ADAMTSL1: variants seen among roughly 807,000 people sequenced by gnomAD.
The protein encoded by ADAMTSL1 is ADAMTS-like protein 1.
Under a neutral mutation model 201.8 loss-of-function variants are expected in ADAMTSL1, and 126 were observed. The ratio of observed to expected loss-of-function variants is 0.62; its 90% confidence interval spans 0.54 to 0.72. The LOEUF is 0.72. Ranked by LOEUF, ADAMTSL1 falls within the 30% of genes least tolerant of loss-of-function variation. The pLI is 0.00. For synonymous variants in ADAMTSL1, 1,121 were observed against 903.4 expected, an observed-to-expected ratio of 1.24 and a Z score of -4.32; for missense variants, 2,679 against 2,277.8, an observed-to-expected ratio of 1.18 and a Z score of -3.59.
intron 5 of ADAMTSL1, among the ~76,000 whole-genome samples, chr9:18,629,895 A>G (rs1826637359): frequency 6.6e-6 from 1 of 152,142 alleles, no homozygotes; most frequent in Admixed American, 6.6e-5. Context: ...ATGTAACCTT[A>G]TGAACTTATG....
At chr9:18,637,121 G>T (rs1388276621) in intron 6 of ADAMTSL1, among the ~76,000 whole-genome samples, 16 of 152,230 alleles carry the variant, frequency 1.1e-4, no homozygotes. Context: ...TGAAGTAAAA[G>T]AATAAGTAAG....
intron 23 of ADAMTSL1, among the ~76,000 whole-genome samples, chr9:18,869,035 T>C (rs1454098348): frequency 6.6e-6 from 1 of 152,136 alleles, no homozygotes. Flanking sequence ...GGTGTCCTTA[T>C]GGAAAGGTGA....
At chr9:18,059,570 A>G (rs1390814296) in intron 1 of ADAMTSL1, among the ~76,000 whole-genome samples, 3 of 152,194 alleles carry the variant, frequency 2.0e-5, no homozygotes, top group African/African-American at 7.2e-5. Flanking sequence ...TTTCTCACAG[A>G]CAATGATAAA....
At chr9:18,723,205 T>C in intron 15 of ADAMTSL1, 1 of 680,756 alleles carries the variant, frequency 1.5e-6, no homozygotes, top group Non-Finnish European at 2.7e-6. Flanking sequence ...CTTGCTCACA[T>C]GTCCCATGAT....
intron 1 of ADAMTSL1, among the ~76,000 whole-genome samples, chr9:18,476,274 A>T (rs1821446656): frequency 6.6e-6 from 1 of 152,156 alleles, no homozygotes; most frequent in East Asian, 1.9e-4. Flanking sequence ...AATCATACAG[A>T]TAAGACATTT....
chr9:17,973,968 T>A (rs1196159443), intron 1 of ADAMTSL1, among the ~76,000 whole-genome samples: 1 of 151,658 alleles, frequency 6.6e-6, no homozygotes, highest in Non-Finnish European at 1.5e-5. Flanking sequence ...TCTCTGTTTG[T>A]CTGTTATTGG....
At chr9:18,085,676 C>T (rs1289995180) in intron 1 of ADAMTSL1, among the ~76,000 whole-genome samples, 3 of 147,260 alleles carry the variant, frequency 2.0e-5, no homozygotes, top group Non-Finnish European at 3.0e-5. Context: ...TATATATATA[C>T]ATATACTCTG....
rs1288963594 is a variant in ADAMTSL1 at position 17,925,305 on chromosome 9, C to T, written c.87+18383C>T. On this transcript the variant is annotated intron_variant, in intron 1 of 29. Transcript: ENST00000680146. ...TGTGGAAGTCAGTGTGGCGATTCCT[C>T]AGGGATCTAGAACTAGAAATACCAT... Among the ~76,000 whole-genome samples the T allele has an allele frequency of 3.3e-5, 4 of 121,698 alleles. 2 individuals are homozygous for T. Among genetic ancestry groups the T allele is most frequent in the Admixed American group, 1.8e-4 (2 of 11,038 alleles). The allele number at this position is 121,698 out of a possible 152,430, so 79.8% of individuals were successfully genotyped here. A position where few individuals can be genotyped will look rare whatever the true frequency, so the allele number is the denominator to read the frequency against.
At chr9:18,795,359 G>A (rs371074924) in intron 19 of ADAMTSL1, 38 bp from the exon 20 acceptor site, 1 of 1,611,882 alleles carries the variant, frequency 6.2e-7, no homozygotes, top group East Asian at 2.2e-5. Flanking sequence ...GGAGTCAACT[G>A]ACTTGACCAG....
At position 18,431,783 on chromosome 9, in the gene ADAMTSL1, C is replaced by G. The variant is rs1285244164; in HGVS notation, c.208-73046C>G. Among the ~76,000 whole-genome samples the G allele has an allele frequency of 3.9e-5, 6 of 152,172 alleles. No homozygotes were observed. The East Asian group carries it at 7.7e-4, about 20-fold the overall frequency. On this transcript the variant is annotated intron_variant, in intron 2 of 29. Transcript: ENST00000680146. ...AATCCTTACCCACCTAAATGAGTAGCAAATTGTCAAGATCCTTGTAAAAAT... is the reference window on the plus strand; with the variant it reads ...AATCCTTACCCACCTAAATGAGTAGGAAATTGTCAAGATCCTTGTAAAAAT...
chr9:17,933,780 A>C (rs1315799651), intron 1 of ADAMTSL1, among the ~76,000 whole-genome samples: 1 of 152,136 alleles, frequency 6.6e-6, no homozygotes, highest in East Asian at 1.9e-4. Flanking sequence ...CACTATCATG[A>C]GAACAGCAAG....
intron 2 of ADAMTSL1, among the ~76,000 whole-genome samples, chr9:18,466,828 A>G (rs1260561810): frequency 6.6e-6 from 1 of 152,208 alleles, no homozygotes; most frequent in East Asian, 1.9e-4. Context: ...GAGCAAGAAT[A>G]AAATTGAAGA....
At chr9:18,342,521 G>T (rs569968085) in intron 2 of ADAMTSL1, among the ~76,000 whole-genome samples, 1 of 152,222 alleles carries the variant, frequency 6.6e-6, no homozygotes, top group East Asian at 1.9e-4. Context: ...CTAAGTTAGA[G>T]AATTATATTA....
At chr9:18,115,849 G>T (rs563238902) in intron 1 of ADAMTSL1, among the ~76,000 whole-genome samples, 3 of 152,250 alleles carry the variant, frequency 2.0e-5, no homozygotes, top group Admixed American at 2.0e-4. Flanking sequence ...CAAAGTTTAT[G>T]CTTTTAGCTA....
At chr9:18,464,811 A>T (rs1029372563) in intron 2 of ADAMTSL1, among the ~76,000 whole-genome samples, 2 of 152,200 alleles carry the variant, frequency 1.3e-5, no homozygotes, top group African/African-American at 4.8e-5. Context: ...TATCATTTAC[A>T]TGGAGTGGGA....
chr9:18,510,380 A>C (rs961130995), intron 2 of ADAMTSL1, among the ~76,000 whole-genome samples: 10 of 152,328 alleles, frequency 6.6e-5, no homozygotes, highest in African/African-American at 2.4e-4. Flanking sequence ...TTCAATGGAG[A>C]CAAAGCAGAA....
At chr9:17,921,671 G>C (rs1354865123) in intron 1 of ADAMTSL1, among the ~76,000 whole-genome samples, 1 of 152,040 alleles carries the variant, frequency 6.6e-6, no homozygotes, top group Non-Finnish European at 1.5e-5. Context: ...ATAAGACACT[G>C]GTCAGAATTA....
At chr9:18,029,875 A>G (rs1586918449) in intron 1 of ADAMTSL1, among the ~76,000 whole-genome samples, 5 of 152,260 alleles carry the variant, frequency 3.3e-5, no homozygotes, top group East Asian at 3.9e-4. Context: ...TAGAATGGTG[A>G]TCATTAAAAA....
chr9:18,845,193 G>T (rs1826024459), intron 23 of ADAMTSL1, among the ~76,000 whole-genome samples: 1 of 152,160 alleles, frequency 6.6e-6, no homozygotes, highest in African/African-American at 2.4e-5. Context: ...TCAAGTGTCG[G>T]CAGCACACTC....
Sources: allele counts gnomAD v4.1 joint callset (sites outside exome capture counted in the v4.1 genomes callset), GRCh38; gene constraint gnomAD v4.1.1; transcripts MANE v1.5; gene names NCBI Gene and HGNC (gene_info 2026-07-23, HGNC 2026-07-21).